Variants in CSMD1 observed in about 807,000 individuals in gnomAD.
The protein encoded by CSMD1 is CUB and Sushi multiple domains 1, also known as CUB and sushi domain-containing protein 1.
CSMD1 carries 213 observed loss-of-function variants against 417.5 expected under a neutral mutation model. That is an observed-to-expected ratio of 0.51 (90% CI 0.46 to 0.57). CSMD1 has a LOEUF of 0.57. Among genes scored for constraint, CSMD1 ranks in the 20% least tolerant of loss-of-function variants. The pLI is 0.00. For synonymous variants in CSMD1, 2,862 were observed against 1,736.8 expected, an observed-to-expected ratio of 1.65 and a Z score of -16.11; for missense variants, 6,923 against 4,529.7, an observed-to-expected ratio of 1.53 and a Z score of -15.17.
chr8:4,196,879 T>A (rs1799369464), intron 3 of CSMD1, among the ~76,000 whole-genome samples: 1 of 152,212 alleles, frequency 6.6e-6, no homozygotes, highest in Non-Finnish European at 1.5e-5. Context: ...ATAGTGAAAG[T>A]TCCGCCATCT....
At chr8:4,339,771 C>T (rs1800371056) in intron 3 of CSMD1, among the ~76,000 whole-genome samples, 1 of 152,092 alleles carries the variant, frequency 6.6e-6, no homozygotes, top group Non-Finnish European at 1.5e-5. Context: ...CACCAAAAAT[C>T]CTAATGCTTT....
chr8:4,100,399 G>T (rs915211756), intron 3 of CSMD1, among the ~76,000 whole-genome samples: 2 of 152,088 alleles, frequency 1.3e-5, no homozygotes, highest in Admixed American at 6.6e-5. Context: ...CCTGTGTCTA[G>T]TCAGCCAACT....
At chr8:3,661,477 G>C (rs1391647699) in intron 7 of CSMD1, among the ~76,000 whole-genome samples, 1 of 151,358 alleles carries the variant, frequency 6.6e-6, no homozygotes, top group Non-Finnish European at 1.5e-5. Flanking sequence ...CTTGCGAAAT[G>C]TTCATTGCTC....
At chr8:2,997,973 C>G (rs762793849) in intron 54 of CSMD1, 38 bp downstream of exon 54, 2 of 1,594,574 alleles carry the variant, frequency 1.3e-6, no homozygotes, top group South Asian at 1.1e-5. Context: ...CTAGAACACT[C>G]TCAGAGCAAA....
Position 3,988,833 on chromosome 8 carries a change from C to T in CSMD1, c.818+9070G>A, listed in dbSNP as rs549481291. 2.7e-3 allele frequency among the ~76,000 whole-genome samples: 418 copies of T among 152,210 alleles called. 2 individuals carry two copies. Among genetic ancestry groups the T allele is most frequent in the African/African-American group, 9.7e-3 (405 of 41,552 alleles). On this transcript the variant is annotated intron_variant, in intron 5 of 69. Transcript: ENST00000635120. ...ACAAGGAAGGGTCATCATTTAGGTC[C>T]TATTTTTTCCTTTAAAGTGATATTA... is the stretch of plus-strand genomic sequence containing the variant.
At chr8:3,899,965 C>G (rs1034001725) in intron 5 of CSMD1, among the ~76,000 whole-genome samples, 4 of 152,240 alleles carry the variant, frequency 2.6e-5, no homozygotes, top group African/African-American at 9.6e-5. Context: ...TAGTTGCTCT[C>G]CACTGGGCTT....
At chr8:2,940,748 C>T (rs150723474) in intron 69 of CSMD1, among the ~76,000 whole-genome samples, 85 of 152,264 alleles carry the variant, frequency 5.6e-4, no homozygotes, top group African/African-American at 2.0e-3. Context: ...AAGGACAAGA[C>T]AATCCCAGTC....
In CSMD1 at chr8:3,189,074, A is replaced by G; in HGVS notation, c.5399-63T>C. Reference sequence around the variant, plus strand: ...GTGGGACAGTGTTGATTTGGCATGCAGTTTTCTTTCACTGTGTGACCACAC... The same window carrying G: ...GTGGGACAGTGTTGATTTGGCATGCGGTTTTCTTTCACTGTGTGACCACAC... On this transcript the variant is annotated intron_variant, in intron 34 of 69. Coordinates refer to ENST00000635120, the MANE Select transcript of CSMD1 (RefSeq NM_033225.6). 2.7e-6 allele frequency: 4 copies of G among 1,486,862 alleles called. No individual in the cohort carries two copies. The South Asian group carries it at 4.2e-5, about 16-fold the overall frequency. The allele number at this position is 1,486,862 out of a possible 1,614,324, so 92.1% of individuals were successfully genotyped here.
In CSMD1 at chr8:3,408,463, G is replaced by A. The variant is rs573426273; in HGVS notation, c.1745-238C>T. Reference sequence around the variant, plus strand: ...AACCTATACATAATCAAGCACAAGCGTGGTTCAAAAATGATCCTTTCCAGT... The same window carrying A: ...AACCTATACATAATCAAGCACAAGCATGGTTCAAAAATGATCCTTTCCAGT... On this transcript the variant is annotated intron_variant, in intron 13 of 69. Transcript: ENST00000635120. Among the ~76,000 whole-genome samples the A allele has an allele frequency of 3.3e-5, 5 of 151,254 alleles. No individual in the cohort carries two copies. The East Asian group carries it at 5.8e-4, about 17-fold the overall frequency.
chr8:4,809,734 G>A (rs186692844), intron 1 of CSMD1, among the ~76,000 whole-genome samples: 4 of 152,296 alleles, frequency 2.6e-5, no homozygotes, highest in East Asian at 1.9e-4. Context: ...ATTTCAACAT[G>A]TAATAAGTGA....
At chr8:4,445,824 G>A (rs567257360) in intron 2 of CSMD1, among the ~76,000 whole-genome samples, 1 of 152,216 alleles carries the variant, frequency 6.6e-6, no homozygotes, top group Non-Finnish European at 1.5e-5. Context: ...TGTTTAAATT[G>A]CCTACTTAGT....
At chr8:3,866,852 G>C (rs1357416019) in intron 5 of CSMD1, among the ~76,000 whole-genome samples, 6 of 152,100 alleles carry the variant, frequency 3.9e-5, no homozygotes, top group Admixed American at 1.3e-4. Context: ...AATTTACCAT[G>C]TTACTAGGAC....
chr8:4,242,761 T>A (rs1160472763), intron 3 of CSMD1, among the ~76,000 whole-genome samples: 5 of 152,166 alleles, frequency 3.3e-5, no homozygotes, highest in Admixed American at 6.5e-5. Context: ...TGAACATCCC[T>A]GGATGGAAAG....
chr8:3,551,683 G>A (rs1426696633), intron 10 of CSMD1, among the ~76,000 whole-genome samples: 1 of 145,468 alleles, frequency 6.9e-6, no homozygotes, highest in East Asian at 2.1e-4. Flanking sequence ...CTTACTCTAT[G>A]TAATAAAGAC....
intron 5 of CSMD1, among the ~76,000 whole-genome samples, chr8:3,902,531 T>G (rs1350992139): frequency 6.6e-6 from 1 of 152,088 alleles, no homozygotes; most frequent in African/African-American, 2.4e-5. Context: ...CATTAGATTC[T>G]CACAAGGAGC....
chr8:4,035,415 G>A (rs750138957), intron 3 of CSMD1, among the ~76,000 whole-genome samples: 1 of 152,048 alleles, frequency 6.6e-6, no homozygotes, highest in Non-Finnish European at 1.5e-5. Flanking sequence ...CGATTTTACT[G>A]TAAAACAACC....
At chr8:3,700,855 G>A (rs910583146) in intron 7 of CSMD1, among the ~76,000 whole-genome samples, 6 of 152,126 alleles carry the variant, frequency 3.9e-5, no homozygotes, top group African/African-American at 1.4e-4. Flanking sequence ...CCTGTGACGG[G>A]AAACGTTTGA....
At chr8:3,105,159 G>C (rs1047879326) in intron 46 of CSMD1, among the ~76,000 whole-genome samples, 29 of 152,342 alleles carry the variant, frequency 1.9e-4, no homozygotes, top group African/African-American at 5.3e-4. Context: ...AATACTCGGT[G>C]AGTCTTTACA....
At chr8:4,555,145 T>C (rs1162673363) in intron 2 of CSMD1, among the ~76,000 whole-genome samples, 1 of 152,234 alleles carries the variant, frequency 6.6e-6, no homozygotes, top group African/African-American at 2.4e-5. Context: ...TGAAATATGA[T>C]CACTTTTACA....
Sources: allele counts gnomAD v4.1 joint callset (sites outside exome capture counted in the v4.1 genomes callset), GRCh38; gene constraint gnomAD v4.1.1; transcripts MANE v1.5; gene names NCBI Gene and HGNC (gene_info 2026-07-23, HGNC 2026-07-21).